GPC4: variants seen among roughly 807,000 people sequenced by gnomAD.
The protein encoded by GPC4 is glypican-4.
Under a neutral mutation model 35.0 loss-of-function variants are expected in GPC4, and 10 were observed. That is an observed-to-expected ratio of 0.29 (90% CI 0.18 to 0.48). The LOEUF is 0.48. Ranked by LOEUF, GPC4 falls within the 20% of genes least tolerant of loss-of-function variation. GPC4 has a pLI of 0.99. For missense variants in GPC4, 322 were observed against 451.3 expected, an observed-to-expected ratio of 0.71 and a Z score of 2.60; for synonymous variants, 167 against 170.2, an observed-to-expected ratio of 0.98 and a Z score of 0.15.
In GPC4 at chrX:133,414,799, C is replaced by T; in HGVS notation, c.160+7G>A. On this transcript the variant is annotated splice_region_variant and intron_variant, in intron 1 of 8. Coordinates refer to ENST00000370828, the MANE Select transcript of GPC4 (RefSeq NM_001448.3). ...TCTGCGCCCACCTCCCGGGTGTGCC[C>T]ACCTACCGTTGATCTCGTGGAGGGG... 8.3e-7 allele frequency: 1 copy of T among 1,210,728 alleles called. No individual in the cohort carries two copies. Among genetic ancestry groups the T allele is most frequent in the Non-Finnish European group, 1.1e-6 (1 of 894,585 alleles).
At position 133,352,578 on chromosome X, in the gene GPC4, G is replaced by A. The variant is rs952794832; in HGVS notation, c.161-13237C>T. ...CTTTGATTTTTAAAGGCCCTAACCT[G>A]GTCACTTGATAACAAGCTTCCCTAA... On this transcript the variant is annotated intron_variant, in intron 1 of 8. Coordinates refer to ENST00000370828, the MANE Select transcript of GPC4 (RefSeq NM_001448.3). Among the ~76,000 whole-genome samples, 18 of 110,241 alleles carry A rather than the reference G, an allele frequency of 1.6e-4. No individual in the cohort carries two copies. In the Admixed American group the frequency reaches 1.7e-3, roughly 11 times the overall value.
intron 3 of GPC4, among the ~76,000 whole-genome samples, chrX:133,312,203 C>T (rs141182442): frequency 1.4e-3 from 161 of 111,095 alleles, no homozygotes; most frequent in African/African-American, 5.0e-3. Flanking sequence ...ATGAAATGAA[C>T]AAAACCTGTA....
At chrX:133,368,656 A>C (rs2124157285) in intron 1 of GPC4, among the ~76,000 whole-genome samples, 1 of 110,479 alleles carries the variant, frequency 9.1e-6, no homozygotes, top group South Asian at 3.9e-4. Flanking sequence ...TATTATTATT[A>C]TTATTTTAGA....
chrX:133,395,243 A>G (rs1392319845), intron 1 of GPC4, among the ~76,000 whole-genome samples: 1 of 112,013 alleles, frequency 8.9e-6, no homozygotes, highest in Non-Finnish European at 1.9e-5. Context: ...TATTAAATTA[A>G]TAATTAATAA....
intron 4 of GPC4, among the ~76,000 whole-genome samples, chrX:133,309,895 G>A (rs1223002761): frequency 8.9e-6 from 1 of 112,107 alleles, no homozygotes; most frequent in Admixed American, 9.5e-5. Context: ...TGGGCATGAT[G>A]TGCCATTTGG....
At chrX:133,360,901 A>G (rs1173954729) in intron 1 of GPC4, among the ~76,000 whole-genome samples, 7 of 111,989 alleles carry the variant, frequency 6.3e-5, no homozygotes, top group Non-Finnish European at 9.4e-5. Flanking sequence ...GGTGACCCTG[A>G]GTGTTTTTTA....
At chrX:133,414,135 A>G in intron 1 of GPC4, among the ~76,000 whole-genome samples, 1 of 111,230 alleles carries the variant, frequency 9.0e-6, no homozygotes, top group East Asian at 2.8e-4. Context: ...AGAGTTCCCA[A>G]AAGTCAGGGT....
intron 1 of GPC4, among the ~76,000 whole-genome samples, chrX:133,410,171 G>C (rs1426934664): frequency 1.8e-5 from 2 of 112,091 alleles, no homozygotes; most frequent in Admixed American, 9.5e-5. Context: ...ATGATGGTCT[G>C]TTACTAGTTA....
At chrX:133,322,961 G>A (rs750941942) in intron 3 of GPC4, among the ~76,000 whole-genome samples, 1 of 111,610 alleles carries the variant, frequency 9.0e-6, no homozygotes, top group Non-Finnish European at 1.9e-5. Context: ...TCTTCAAGAA[G>A]TTTTCAGATT....
chrX:133,414,163 G>A (rs1281041626), intron 1 of GPC4, among the ~76,000 whole-genome samples: 1 of 111,081 alleles, frequency 9.0e-6, no homozygotes. Context: ...GGTGGAGAGT[G>A]GGGGTAGTCG....
chrX:133,317,586 G>A (rs755840395), intron 3 of GPC4, among the ~76,000 whole-genome samples: 2 of 111,482 alleles, frequency 1.8e-5, no homozygotes, highest in Admixed American at 9.6e-5. Flanking sequence ...CAGTCAACAC[G>A]CTGTACTGAA....
chrX:133,351,217 A>C lies in GPC4; in HGVS notation c.161-11876T>G, dbSNP rs183554027. 4.5e-5 allele frequency among the ~76,000 whole-genome samples: 5 copies of C among 111,518 alleles called. No individual in the cohort carries two copies. The East Asian group carries it at 1.4e-3, about 32-fold the overall frequency. On this transcript the variant is annotated intron_variant, in intron 1 of 8. Transcript: ENST00000370828. ...TCCTAATTTTGGAGTGAAAGCCACT[A>C]TGTTGCTATTCAGAGAATTACCTGT... is the stretch of plus-strand genomic sequence containing the variant.
At position 133,324,286 on chromosome X, in the gene GPC4, C is replaced by T; in HGVS notation, c.570G>A (p.Val190=). 8 of 1,211,759 alleles carry T rather than the reference C, an allele frequency of 6.6e-6. No homozygotes were observed. Among genetic ancestry groups the T allele is most frequent in the Non-Finnish European group, 8.9e-6 (8 of 895,560 alleles). Residue 190 remains valine, a synonymous_variant, in exon 3 of 9, where the codon GTG becomes GTA. Transcript: ENST00000370828. ...YHFTDEYLEC[V]SKYTEQLKPF... ...GCTTCAGCTGCTCCGTATACTTGCT[C>T]ACACATTCCAGATACTCATCTGTAA...
rs1289042509 is a variant in GPC4 at position 133,327,636 on chromosome X, A to AGTTTGTGTGTGTGTGTGTGTGTGTGT, written c.320-3101_320-3100insACACACACACACACACACACACAAAC. 1.1e-3 allele frequency among the ~76,000 whole-genome samples: 91 copies of AGTTTGTGTGTGTGTGTGTGTGTGTGT among 83,281 alleles called. 2 individuals carry two copies. The highest frequency in any genetic ancestry group is 4.0e-3 in the African/African-American group (90 of 22,661). 72.3% of individuals were successfully genotyped at this position (83,281 alleles called of 115,157 possible). ...CCATGACTCACATTCTGTCCAGGAAAGTGTGTGTGTGTGTGTGTGTGTGTG... is the reference window on the plus strand; with the variant it reads ...CCATGACTCACATTCTGTCCAGGAAAGTTTGTGTGTGTGTGTGTGTGTGTGTGTGTGTGTGTGTGTGTGTGTGTGTG... On this transcript the variant is annotated intron_variant, in intron 2 of 8. Coordinates refer to ENST00000370828, the MANE Select transcript of GPC4 (RefSeq NM_001448.3).
At chrX:133,359,163 G>A (rs1398120734) in intron 1 of GPC4, among the ~76,000 whole-genome samples, 1 of 111,220 alleles carries the variant, frequency 9.0e-6, no homozygotes, top group Non-Finnish European at 1.9e-5. Context: ...CAACTTGATG[G>A]GAGAGGAAAA....
intron 1 of GPC4, among the ~76,000 whole-genome samples, chrX:133,384,906 C>T (rs1485080685): frequency 8.9e-6 from 1 of 112,204 alleles, no homozygotes; most frequent in Non-Finnish European, 1.9e-5. Context: ...AGCAGGAAAG[C>T]ACTGCCTTTT....
intron 2 of GPC4, among the ~76,000 whole-genome samples, chrX:133,329,531 G>A (rs1024868910): frequency 4.5e-5 from 5 of 111,377 alleles, no homozygotes; most frequent in African/African-American, 9.8e-5. Context: ...GTTGTGAAAC[G>A]TCCCAGACAT....
At chrX:133,319,269 C>T (rs1259728533) in intron 3 of GPC4, among the ~76,000 whole-genome samples, 1 of 107,484 alleles carries the variant, frequency 9.3e-6, no homozygotes, top group Non-Finnish European at 1.9e-5. Flanking sequence ...CATAACGAGA[C>T]CCCCATCTCT....
At chrX:133,358,191 G>T (rs1191865323) in intron 1 of GPC4, among the ~76,000 whole-genome samples, 1 of 111,738 alleles carries the variant, frequency 8.9e-6, no homozygotes, top group South Asian at 3.7e-4. Context: ...AATATTAAAG[G>T]TTGATTCTTA....
Sources: gnomAD v4.1 joint callset for allele counts (sites outside exome capture counted in the v4.1 genomes callset) on GRCh38, gnomAD v4.1.1 for gene constraint, MANE v1.5 for transcripts, NCBI Gene and HGNC (gene_info 2026-07-23, HGNC 2026-07-21) for gene names.